Variants in GLI3 observed in about 807,000 individuals in gnomAD.
GLI3 encodes the protein transcription activator GLI3.
Under a neutral mutation model 100.8 loss-of-function variants are expected in GLI3, and 20 were observed. The observed-to-expected ratio is 0.20, with a 90% CI of 0.14 to 0.29. GLI3 has a LOEUF of 0.29. GLI3 is among the 10% of genes least tolerant of loss of function. GLI3 has a pLI of 1.00. For synonymous variants in GLI3, 938 were observed against 860.5 expected, an observed-to-expected ratio of 1.09 and a Z score of -1.58; for missense variants, 2,040 against 2,128.5, an observed-to-expected ratio of 0.96 and a Z score of 0.82.
At chr7:42,257,264 T>G (rs1409096174) in intron 1 of GLI3, among the ~76,000 whole-genome samples, 1 of 152,124 alleles carries the variant, frequency 6.6e-6, no homozygotes, top group African/African-American at 2.4e-5. Flanking sequence ...TCTTTCTTTT[T>G]TTTTCTTCCC....
intron 3 of GLI3, 23 bp from the exon 4 acceptor site, chr7:42,076,880 T>C (rs1583535417): frequency 1.4e-6 from 2 of 1,401,536 alleles, no homozygotes; most frequent in Non-Finnish European, 2.0e-6. Flanking sequence ...GAGAGCCCAA[T>C]CTATATCAAA....
At chr7:42,205,213 A>G (rs1788125011) in intron 2 of GLI3, among the ~76,000 whole-genome samples, 1 of 152,180 alleles carries the variant, frequency 6.6e-6, no homozygotes, top group African/African-American at 2.4e-5. Context: ...GCAACATACC[A>G]TGTACGGAAC....
intron 2 of GLI3, among the ~76,000 whole-genome samples, chr7:42,202,048 C>G (rs991586656): frequency 2.1e-5 from 3 of 143,550 alleles, no homozygotes; most frequent in African/African-American, 7.8e-5. Context: ...CGCCACTGCA[C>G]TCCAGCCTGG....
chr7:42,014,490 T>C (rs1788701734), intron 10 of GLI3, among the ~76,000 whole-genome samples: 1 of 152,240 alleles, frequency 6.6e-6, no homozygotes, highest in Non-Finnish European at 1.5e-5. Context: ...AATTTTCCCA[T>C]ACTTTCTGTA....
intron 2 of GLI3, among the ~76,000 whole-genome samples, chr7:42,201,194 T>A (rs1422433593): frequency 6.6e-6 from 1 of 150,568 alleles, no homozygotes; most frequent in Non-Finnish European, 1.5e-5. Flanking sequence ...ATAAGTTATA[T>A]GAATGTGATA....
chr7:42,171,447 T>A (rs1787371243), intron 2 of GLI3, among the ~76,000 whole-genome samples: 1 of 152,220 alleles, frequency 6.6e-6, no homozygotes, highest in Non-Finnish European at 1.5e-5. Context: ...GAAAAAAGAC[T>A]AGAAGGAAAT....
At chr7:42,211,240 A>G (rs1171538216) in intron 2 of GLI3, among the ~76,000 whole-genome samples, 1 of 152,152 alleles carries the variant, frequency 6.6e-6, no homozygotes, top group Non-Finnish European at 1.5e-5. Flanking sequence ...CAGAGGGCAC[A>G]TGTTTTCTAT....
At chr7:42,043,894 C>T (rs975833194) in intron 6 of GLI3, among the ~76,000 whole-genome samples, 1 of 151,968 alleles carries the variant, frequency 6.6e-6, no homozygotes, top group Non-Finnish European at 1.5e-5. Flanking sequence ...TTTCAACAAT[C>T]GCTAATTGAA....
intron 2 of GLI3, among the ~76,000 whole-genome samples, chr7:42,170,358 A>T (rs1004275103): frequency 6.7e-6 from 1 of 149,506 alleles, no homozygotes; most frequent in Non-Finnish European, 1.5e-5. Flanking sequence ...GGGCTGTTTC[A>T]AACTTAAATA....
chr7:42,072,164 G>T (rs1164977240), intron 4 of GLI3, among the ~76,000 whole-genome samples: 1 of 152,186 alleles, frequency 6.6e-6, no homozygotes, highest in Non-Finnish European at 1.5e-5. Flanking sequence ...CTCACAGCTC[G>T]ACTGGCAAGA....
At chr7:41,987,418 C>T (rs1372593622) in intron 10 of GLI3, among the ~76,000 whole-genome samples, 6 of 152,156 alleles carry the variant, frequency 3.9e-5, no homozygotes, top group Admixed American at 6.5e-5. Flanking sequence ...CCACCTGCCT[C>T]GGCCTCCCAA....
In GLI3 at chr7:42,132,199, C is replaced by G. The variant is rs970978980; in HGVS notation, c.367+16027G>C. Among the ~76,000 whole-genome samples the G allele has an allele frequency of 1.1e-4, 17 of 152,038 alleles. No individual in the cohort carries two copies. In the East Asian group the frequency reaches 2.7e-3, roughly 24 times the overall value. On this transcript the variant is annotated intron_variant, in intron 3 of 14. Coordinates refer to ENST00000395925, the MANE Select transcript of GLI3 (RefSeq NM_000168.6). ...CACTGCAAGCTCCGCCTCCTGGGTTCACGCCATTCTCCTGCCTCAGCCTCC... is the reference window on the plus strand; with the variant it reads ...CACTGCAAGCTCCGCCTCCTGGGTTGACGCCATTCTCCTGCCTCAGCCTCC...
chr7:41,968,763 GGAAAGAAAGAAAGAAA>G (rs71006451), intron 13 of GLI3, among the ~76,000 whole-genome samples: 3 of 56,748 alleles, frequency 5.3e-5, no homozygotes, highest in South Asian at 1.5e-3. Context: ...AAAGAAAGAA[GGAAAGAAAGAAAGAAA>G]GAAAGAAAGA....
intron 10 of GLI3, among the ~76,000 whole-genome samples, chr7:42,005,333 G>A (rs1022007445): frequency 3.3e-5 from 5 of 151,886 alleles, no homozygotes; most frequent in Admixed American, 6.6e-5. Context: ...GCTCTCTACC[G>A]TATGTGACTA....
chr7:42,174,119 T>A (rs1787432124), intron 2 of GLI3, among the ~76,000 whole-genome samples: 1 of 152,130 alleles, frequency 6.6e-6, no homozygotes, highest in Admixed American at 6.6e-5. Context: ...CTCAAATATG[T>A]ACAAGCCATT....
chr7:42,063,140 G>C (rs3801165), intron 4 of GLI3, among the ~76,000 whole-genome samples: 18,303 of 152,050 alleles, frequency 0.12, 1,160 homozygotes, highest in African/African-American at 0.16. Context: ...GCAAGGTTTA[G>C]GCAGCTATAG....
At chr7:42,221,838 A>T (rs1414040983) in intron 2 of GLI3, among the ~76,000 whole-genome samples, 3 of 152,258 alleles carry the variant, frequency 2.0e-5, no homozygotes, top group Non-Finnish European at 4.4e-5. Context: ...CAATTAAAAT[A>T]AGCTCCAGTC....
intron 1 of GLI3, among the ~76,000 whole-genome samples, chr7:42,244,778 C>G (rs758321320): frequency 1.3e-5 from 2 of 151,950 alleles, no homozygotes; most frequent in Non-Finnish European, 2.9e-5. Flanking sequence ...GTTAGTTTCC[C>G]AAGGAAGGAT....
chr7:42,132,241 C>T (rs1432521949), intron 3 of GLI3, among the ~76,000 whole-genome samples: 1 of 150,626 alleles, frequency 6.6e-6, no homozygotes, highest in Non-Finnish European at 1.5e-5. Context: ...GCTGGGACTA[C>T]AGGCGCCCGC....
Sources: allele counts gnomAD v4.1 joint callset (sites outside exome capture counted in the v4.1 genomes callset), GRCh38; gene constraint gnomAD v4.1.1; transcripts MANE v1.5; gene names NCBI Gene and HGNC (gene_info 2026-07-23, HGNC 2026-07-21).